VPS41: variants seen among roughly 807,000 people sequenced by gnomAD.
The protein encoded by VPS41 is vacuolar protein sorting-associated protein 41 homolog.
VPS41 carries 85 observed loss-of-function variants against 130.9 expected under a neutral mutation model. That is an observed-to-expected ratio of 0.65 (90% CI 0.55 to 0.78). VPS41 has a LOEUF of 0.78. Among genes scored for constraint, VPS41 ranks in the 30% least tolerant of loss-of-function variants. The pLI is 0.00. For missense variants in VPS41, 874 were observed against 1,018.7 expected (o/e 0.86, Z 1.93); for synonymous variants, 335 against 332.9 (o/e 1.01, Z -0.07).
intron 18 of VPS41, among the ~76,000 whole-genome samples, chr7:38,757,481 A>G (rs1783821818): frequency 6.6e-6 from 1 of 152,206 alleles, no homozygotes; most frequent in Admixed American, 6.5e-5. Context: ...TTGAGAGCTC[A>G]CTGAACTGAA....
intron 17 of VPS41, among the ~76,000 whole-genome samples, chr7:38,762,249 T>C (rs1185913685): frequency 1.3e-5 from 2 of 152,158 alleles, no homozygotes; most frequent in African/African-American, 4.8e-5. Flanking sequence ...TTATTACTAA[T>C]TAGAGGACAC....
rs141010055 is a variant in VPS41, at chr7:38,841,286, C to T, written c.247-10958G>A. Reference sequence around the variant, plus strand: ...ATGTGGAAAATATATATACACATGACTCACTATTCTCTTGCTCAAGTTACC... The same window carrying T: ...ATGTGGAAAATATATATACACATGATTCACTATTCTCTTGCTCAAGTTACC... On this transcript the variant is annotated intron_variant, in intron 4 of 28. Transcript: ENST00000310301. Among the ~76,000 whole-genome samples the T allele has an allele frequency of 6.1e-3, 928 of 152,286 alleles. 5 individuals are homozygous for T. The highest frequency in any genetic ancestry group is 0.011 in the Admixed American group (167 of 15,294).
At chr7:38,832,242 T>C (rs1333351579) in intron 4 of VPS41, among the ~76,000 whole-genome samples, 1 of 151,880 alleles carries the variant, frequency 6.6e-6, no homozygotes, top group Non-Finnish European at 1.5e-5. Context: ...TACAGTCTCC[T>C]ATTTTTTTGC....
At chr7:38,790,239 T>C (rs955685739) in intron 9 of VPS41, among the ~76,000 whole-genome samples, 6 of 152,160 alleles carry the variant, frequency 3.9e-5, no homozygotes, top group African/African-American at 1.4e-4. Flanking sequence ...AATTCTAAAA[T>C]ATAGAAAAAC....
At chr7:38,881,723 G>C (rs1786612959) in intron 2 of VPS41, among the ~76,000 whole-genome samples, 2 of 152,074 alleles carry the variant, frequency 1.3e-5, no homozygotes, top group Admixed American at 6.5e-5. Flanking sequence ...GTTTCTGTTT[G>C]ACAAAGGCCT....
intron 2 of VPS41, among the ~76,000 whole-genome samples, chr7:38,870,525 G>A (rs1293673823): frequency 1.3e-5 from 2 of 151,880 alleles, no homozygotes; most frequent in Non-Finnish European, 2.9e-5. Flanking sequence ...GTCTAGTGAA[G>A]GAAAGGGTGA....
chr7:38,878,545 G>A (rs1786537689), intron 2 of VPS41, among the ~76,000 whole-genome samples: 1 of 152,052 alleles, frequency 6.6e-6, no homozygotes, highest in Non-Finnish European at 1.5e-5. Context: ...TTTAAATGTA[G>A]AAAGTCTAAA....
Position 38,756,919 on chromosome 7 carries a change from G to A in VPS41, c.1614C>T (p.Asp538=), listed in dbSNP as rs146405914. ...TATGCTTGTGGATCAACTGAAAAAC[G>A]TCTTTATGTCTTAATGTTAAGTATA... ...LEIYLTLRHK[D]VFQLIHKHNL... The change falls in exon 19 of 29, where the codon GAC becomes GAT. Residue 538 remains aspartate, a synonymous_variant. Transcript: ENST00000310301. 6.6e-5 allele frequency: 106 copies of A among 1,598,318 alleles called. No homozygotes were observed. In the African/African-American group the frequency reaches 7.9e-4, roughly 12 times the overall value.
chr7:38,776,652 CT>C, intron 11 of VPS41, 26 bp downstream of exon 11: 1 of 1,353,680 alleles, frequency 7.4e-7, no homozygotes, highest in Non-Finnish European at 1.1e-6. Flanking sequence ...CCCCACATGC[CT>C]TTGTATCTGG....
intron 10 of VPS41, among the ~76,000 whole-genome samples, chr7:38,789,539 G>T (rs1784496747): frequency 6.6e-6 from 1 of 152,134 alleles, no homozygotes; most frequent in Non-Finnish European, 1.5e-5. Context: ...GGCCAACACA[G>T]ATCCCCGTGA....
intron 22 of VPS41, among the ~76,000 whole-genome samples, chr7:38,749,635 T>C (rs932760967): frequency 1.2e-4 from 19 of 152,292 alleles, no homozygotes; most frequent in African/African-American, 3.4e-4. Context: ...AAGTTCTCAA[T>C]TTCATATTCA....
At chr7:38,775,794 G>C (rs1444394507) in intron 11 of VPS41, 1 of 151,016 alleles carries the variant, frequency 6.6e-6, no homozygotes, top group Non-Finnish European at 1.5e-5. Flanking sequence ...GGGCTCCCAG[G>C]GTTTTTCTCC....
chr7:38,752,410 A>G, intron 21 of VPS41, 97 bp from the exon 22 acceptor site: 1 of 1,431,172 alleles, frequency 7.0e-7, no homozygotes, highest in Non-Finnish European at 9.5e-7. Context: ...TCCCATGGAC[A>G]GGTTGGGGGA....
intron 4 of VPS41, among the ~76,000 whole-genome samples, chr7:38,862,332 T>C (rs977657650): frequency 6.6e-6 from 1 of 152,204 alleles, no homozygotes; most frequent in African/African-American, 2.4e-5. Flanking sequence ...CCAGTCAAAA[T>C]ATATAATGCA....
chr7:38,827,685 A>G (rs1785307450), intron 5 of VPS41, among the ~76,000 whole-genome samples: 2 of 152,256 alleles, frequency 1.3e-5, no homozygotes. Context: ...CAGCCCAGGC[A>G]GCTGGAATAC....
At chr7:38,772,314 C>T (rs1784168697) in intron 13 of VPS41, among the ~76,000 whole-genome samples, 2 of 152,308 alleles carry the variant, frequency 1.3e-5, no homozygotes, top group South Asian at 4.1e-4. Context: ...ACTCCTCCCC[C>T]ACTTAACAGG....
intron 5 of VPS41, among the ~76,000 whole-genome samples, chr7:38,828,270 A>G (rs576397481): frequency 6.6e-6 from 1 of 151,800 alleles, no homozygotes; most frequent in South Asian, 2.1e-4. Flanking sequence ...CACACATACG[A>G]TATGTGTGTC....
In VPS41 at chr7:38,737,141, C is replaced by T. The variant is rs574870945; in HGVS notation, c.2259+4844G>A. Among the ~76,000 whole-genome samples the T allele has an allele frequency of 6.6e-5, 10 of 152,142 alleles. No homozygotes were observed. The South Asian group carries it at 2.1e-3, about 32-fold the overall frequency. ...CTGCCATGCCAGCACTTTGGGAGGC[C>T]GAGGCAGGCGGATCATGAGGTCAGG... On this transcript the variant is annotated intron_variant, in intron 25 of 28. Coordinates refer to ENST00000310301, the MANE Select transcript of VPS41 (RefSeq NM_014396.4).
At chr7:38,871,042 C>T (rs2116344779) in intron 2 of VPS41, among the ~76,000 whole-genome samples, 1 of 152,136 alleles carries the variant, frequency 6.6e-6, no homozygotes, top group South Asian at 2.1e-4. Context: ...AAAGCTCTAA[C>T]ATACTTTTCA....
Sources: gnomAD v4.1 joint callset for allele counts (sites outside exome capture counted in the v4.1 genomes callset) on GRCh38, gnomAD v4.1.1 for gene constraint, MANE v1.5 for transcripts, NCBI Gene and HGNC (gene_info 2026-07-23, HGNC 2026-07-21) for gene names.